The following GREB1L variants were observed in gnomAD, a reference collection of about 807,000 sequenced individuals.
GREB1L encodes GREB1-like protein.
A neutral mutation model predicts 200.8 loss-of-function variants in GREB1L; 17 were observed. The observed-to-expected ratio is 0.08, with a 90% CI of 0.06 to 0.13. The LOEUF is 0.13. GREB1L is among the 10% of genes least tolerant of loss of function. The pLI is 1.00. For missense variants in GREB1L, 1,657 were observed against 2,367.7 expected (o/e 0.70, Z 6.23); for synonymous variants, 789 against 893.0 (o/e 0.88, Z 2.08).
intron 1 of GREB1L, among the ~76,000 whole-genome samples, chr18:21,326,747 T>A (rs1337631588): frequency 6.6e-6 from 1 of 152,232 alleles, no homozygotes; most frequent in African/African-American, 2.4e-5. Flanking sequence ...TGAAAAGTTC[T>A]CTTTGACCTG....
intron 16 of GREB1L, among the ~76,000 whole-genome samples, chr18:21,476,037 C>A (rs2035687704): frequency 7.4e-6 from 1 of 135,022 alleles, no homozygotes; most frequent in East Asian, 2.4e-4. Flanking sequence ...AGATCAAATT[C>A]TAGTAATTAT....
chr18:21,442,412 G>A (rs2033948351), intron 10 of GREB1L, among the ~76,000 whole-genome samples: 2 of 152,186 alleles, frequency 1.3e-5, no homozygotes, highest in African/African-American at 2.4e-5. Context: ...TGCTTTATCT[G>A]CTAATCCTAG....
intron 1 of GREB1L, among the ~76,000 whole-genome samples, chr18:21,288,929 G>C (rs1471583906): frequency 6.6e-6 from 1 of 151,946 alleles, no homozygotes; most frequent in Non-Finnish European, 1.5e-5. Flanking sequence ...GTAGAGACAG[G>C]GTTTCACCAT....
chr18:21,350,293 A>G (rs2143270625), intron 1 of GREB1L, among the ~76,000 whole-genome samples: 1 of 147,794 alleles, frequency 6.8e-6, no homozygotes, highest in African/African-American at 2.5e-5. Context: ...GCCGGAGTGC[A>G]ATGGCGTGAT....
chr18:21,438,555 G>T (rs1327744672), intron 7 of GREB1L, among the ~76,000 whole-genome samples: 3 of 151,848 alleles, frequency 2.0e-5, no homozygotes, highest in Non-Finnish European at 4.4e-5. Context: ...TATAGTCCCA[G>T]CTATTTGAGA....
At chr18:21,410,740 A>AG (rs1258917914) in intron 7 of GREB1L, among the ~76,000 whole-genome samples, 2 of 152,024 alleles carry the variant, frequency 1.3e-5, no homozygotes, top group East Asian at 3.9e-4. Context: ...AGAGTAAAAA[A>AG]AAAAGCCATA....
At chr18:21,295,652 A>G (rs563359988) in intron 1 of GREB1L, among the ~76,000 whole-genome samples, 1 of 152,310 alleles carries the variant, frequency 6.6e-6, no homozygotes, top group African/African-American at 2.4e-5. Context: ...GGAGTATAAT[A>G]AACAACACCT....
intron 7 of GREB1L, among the ~76,000 whole-genome samples, chr18:21,411,747 G>A (rs187316860): frequency 2.6e-5 from 4 of 151,936 alleles, no homozygotes; most frequent in East Asian, 2.0e-4. Flanking sequence ...TAAAGTGTTC[G>A]TTAAAAATAG....
intron 21 of GREB1L, among the ~76,000 whole-genome samples, chr18:21,499,291 G>A (rs1287687802): frequency 2.0e-5 from 3 of 152,214 alleles, no homozygotes; most frequent in Non-Finnish European, 4.4e-5. Flanking sequence ...GGAGCGTTTA[G>A]TAGAGGGACT....
At chr18:21,376,406 G>A (rs2040072407) in intron 2 of GREB1L, among the ~76,000 whole-genome samples, 1 of 148,524 alleles carries the variant, frequency 6.7e-6, no homozygotes, top group African/African-American at 2.5e-5. Context: ...ACAGGAATGA[G>A]CCACCTGGCC....
At chr18:21,328,618 G>T (rs1325379797) in intron 1 of GREB1L, among the ~76,000 whole-genome samples, 1 of 152,072 alleles carries the variant, frequency 6.6e-6, no homozygotes, top group Non-Finnish European at 1.5e-5. Flanking sequence ...TGTTGGACCT[G>T]CTCCTTTCTT....
chr18:21,313,085 G>A (rs373530954), intron 1 of GREB1L, among the ~76,000 whole-genome samples: 23 of 152,082 alleles, frequency 1.5e-4, no homozygotes, highest in East Asian at 1.2e-3. Flanking sequence ...ATGGTCTCCC[G>A]TTCTGTAGGT....
At chr18:21,505,247 T>C (rs754981687) in intron 23 of GREB1L, among the ~76,000 whole-genome samples, 165 bp from the exon 24 acceptor site, 3 of 152,190 alleles carry the variant, frequency 2.0e-5, no homozygotes, top group Non-Finnish European at 2.9e-5. Context: ...CCTCTCAGCA[T>C]GGGTGTGAAC....
At chr18:21,402,818 T>G (rs1044575137) in intron 6 of GREB1L, among the ~76,000 whole-genome samples, 2 of 152,096 alleles carry the variant, frequency 1.3e-5, no homozygotes, top group Non-Finnish European at 2.9e-5. Context: ...CCACTATGCC[T>G]GGCCTCATTT....
At chr18:21,508,705 C>G in intron 27 of GREB1L, 114 bp downstream of exon 27, 2 of 713,454 alleles carry the variant, frequency 2.8e-6, no homozygotes, top group East Asian at 2.8e-5. Flanking sequence ...GCCCTCCTCA[C>G]CACTCTTCGG....
chr18:21,401,372 G>T (rs113202093), intron 6 of GREB1L, 46 bp downstream of exon 6: 7 of 1,468,874 alleles, frequency 4.8e-6, no homozygotes, highest in African/African-American at 2.8e-5. Context: ...GAGATTTTAC[G>T]GTGGTGACAA....
Position 21,490,166 on chromosome 18 carries a change from A to G in GREB1L, c.2845A>G (p.Lys949Glu), listed in dbSNP as rs1161231054. 6.4e-7 allele frequency: 1 copy of G among 1,551,664 alleles called. No homozygotes were observed. ...IMDDLISSPG[K>E]NKSGRGHMLI... ...GGATGACCTCATCAGCTCCCCAGGC[A>G]AAAACAAAAGTGGGAGGGGACACAT... Residue 949 changes from lysine to glutamate, a missense_variant, in exon 19 of 33, where the codon AAA (lysine) becomes GAA (glutamate). By Grantham distance (56) the Lys-to-Glu change is moderately conservative. Transcript: ENST00000424526.
chr18:21,288,046 GC>G (rs2038386647), intron 1 of GREB1L, among the ~76,000 whole-genome samples: 1 of 151,892 alleles, frequency 6.6e-6, no homozygotes, highest in Non-Finnish European at 1.5e-5. Flanking sequence ...CTCATGATCT[GC>G]CCACCTTAGC....
chr18:21,518,833 T>TA (rs2037515891), intron 31 of GREB1L, among the ~76,000 whole-genome samples: 1 of 152,206 alleles, frequency 6.6e-6, no homozygotes, highest in Non-Finnish European at 1.5e-5. Context: ...TCCAGGCTCC[T>TA]ACTACTAAGC....
Sources: gnomAD v4.1 joint callset for allele counts (sites outside exome capture counted in the v4.1 genomes callset) on GRCh38, gnomAD v4.1.1 for gene constraint, MANE v1.5 for transcripts, NCBI Gene and HGNC (gene_info 2026-07-23, HGNC 2026-07-21) for gene names.